Variants in KDM2A observed in about 807,000 individuals in gnomAD.
The protein encoded by KDM2A is lysine demethylase 2A, also known as lysine-specific demethylase 2A.
Under a neutral mutation model 137.3 loss-of-function variants are expected in KDM2A, and 3 were observed. That is an observed-to-expected ratio of 0.02 (90% CI 0.01 to 0.06). The LOEUF is 0.06. Ranked by LOEUF, KDM2A falls within the 10% of genes least tolerant of loss-of-function variation. The probability of loss-of-function intolerance (pLI) is 1.00; values close to 1 mark genes in which losing one functional copy is unlikely to be tolerated. For missense variants in KDM2A, 738 were observed against 1,510.6 expected (o/e 0.49, Z 8.48); for synonymous variants, 512 against 541.5 (o/e 0.95, Z 0.76).
intron 2 of KDM2A, among the ~76,000 whole-genome samples, chr11:67,145,070 C>T (rs940858461): frequency 2.0e-5 from 3 of 149,774 alleles, no homozygotes; most frequent in South Asian, 4.3e-4. Flanking sequence ...CAGGGTTTCA[C>T]CATGTTGGCC....
At chr11:67,183,062 C>T (rs1857125485) in intron 5 of KDM2A, among the ~76,000 whole-genome samples, 1 of 152,184 alleles carries the variant, frequency 6.6e-6, no homozygotes, top group African/African-American at 2.4e-5. Flanking sequence ...TCACAGATAT[C>T]CCAGGTAGAG....
intron 8 of KDM2A, among the ~76,000 whole-genome samples, chr11:67,216,809 A>G (rs1858173618): frequency 6.6e-6 from 1 of 152,180 alleles, no homozygotes; most frequent in South Asian, 2.1e-4. Flanking sequence ...AATCCCAGCT[A>G]CTCGGGAGGC....
chr11:67,171,357 G>A (rs960919292), intron 2 of KDM2A, among the ~76,000 whole-genome samples: 1 of 152,152 alleles, frequency 6.6e-6, no homozygotes, highest in African/African-American at 2.4e-5. Flanking sequence ...CTGGTATGTA[G>A]CAAATTGTCA....
Position 67,255,230 on chromosome 11 carries a change from T to C in KDM2A, c.*175T>C. On this transcript the variant is annotated 3_prime_UTR_variant, in exon 21 of 21. Coordinates refer to ENST00000529006, the MANE Select transcript of KDM2A (RefSeq NM_012308.3). ...GCAGAGAGGGTGGTGGACACCAGGC[T>C]TATCTGCCTGCTCCTCTCCCTCCTA... 1 of 614,558 alleles carries C rather than the reference T, an allele frequency of 1.6e-6. No individual in the cohort carries two copies. Among genetic ancestry groups the C allele is most frequent in the South Asian group, 2.0e-5 (1 of 51,254 alleles). 38.1% of individuals were successfully genotyped at this position (614,558 alleles called of 1,614,324 possible).
chr11:67,232,721 T>A (rs574252244), intron 12 of KDM2A, among the ~76,000 whole-genome samples: 48 of 151,860 alleles, frequency 3.2e-4, no homozygotes, highest in Non-Finnish European at 4.0e-4. Context: ...TTAATTAATT[T>A]ATTTGAGACG....
At chr11:67,149,618 C>A (rs989981036) in intron 2 of KDM2A, among the ~76,000 whole-genome samples, 1 of 151,138 alleles carries the variant, frequency 6.6e-6, no homozygotes, top group Non-Finnish European at 1.5e-5. Flanking sequence ...ATGTCTTTTT[C>A]TTTGCTTTTA....
At chr11:67,247,779 A>G (rs753423863) in intron 15 of KDM2A, among the ~76,000 whole-genome samples, 2 of 152,238 alleles carry the variant, frequency 1.3e-5, no homozygotes, top group Admixed American at 1.3e-4. Context: ...GAAGATGTAA[A>G]TGGTGCATAT....
chr11:67,173,249 A>C (rs945618515), intron 2 of KDM2A, among the ~76,000 whole-genome samples: 1 of 152,174 alleles, frequency 6.6e-6, no homozygotes, highest in Non-Finnish European at 1.5e-5. Flanking sequence ...CAGCCTCCCA[A>C]GTAGCTGGGA....
rs1400552733 is a variant in KDM2A, at chr11:67,173,210, C to A, written c.43-6869C>A. ...CGATCTCAGCACACTGCAACCTCTGCCTCGCGGGTTCAAGCAATTCTCCTG... is the reference window on the plus strand; with the variant it reads ...CGATCTCAGCACACTGCAACCTCTGACTCGCGGGTTCAAGCAATTCTCCTG... On this transcript the variant is annotated intron_variant, in intron 2 of 20. Transcript: ENST00000529006. 2.6e-5 allele frequency among the ~76,000 whole-genome samples: 4 copies of A among 152,256 alleles called. No homozygotes were observed. In the East Asian group the frequency reaches 7.7e-4, roughly 29 times the overall value.
Position 67,256,566 on chromosome 11 carries a change from G to C in KDM2A, c.*1511G>C, listed in dbSNP as rs1207191641. 6.6e-6 allele frequency: 1 copy of C among 152,636 alleles called. No individual in the cohort carries two copies. Among genetic ancestry groups the C allele is most frequent in the Non-Finnish European group, 1.5e-5 (1 of 68,128 alleles). 9.5% of individuals were successfully genotyped at this position (152,636 alleles called of 1,614,324 possible). On this transcript the variant is annotated 3_prime_UTR_variant, in exon 21 of 21. Coordinates refer to ENST00000529006, the MANE Select transcript of KDM2A (RefSeq NM_012308.3). ...GGTCGTCCATCCCTGTCCCTTTCTG[G>C]CCCTCTTCCTGTAGCCCAGTCTCAG... is the stretch of plus-strand genomic sequence containing the variant.
At chr11:67,184,613 C>G (rs369358044) in intron 5 of KDM2A, among the ~76,000 whole-genome samples, 1 of 152,074 alleles carries the variant, frequency 6.6e-6, no homozygotes, top group Non-Finnish European at 1.5e-5. Flanking sequence ...GGTGACAGAG[C>G]GAGACTCATC....
rs185542593 is a variant in KDM2A, at chr11:67,125,373, G to A, written c.42+4015G>A. Among the ~76,000 whole-genome samples the A allele has an allele frequency of 6.7e-3, 1,016 of 151,790 alleles. 24 individuals are homozygous for A. The highest frequency in any genetic ancestry group is 0.023 in the African/African-American group (967 of 41,350). On this transcript the variant is annotated intron_variant, in intron 2 of 20. Coordinates refer to ENST00000529006, the MANE Select transcript of KDM2A (RefSeq NM_012308.3). ...TTTTTGTATTTTTTGTAGAGGTGGG[G>A]TTTTGCCGTGTTCCCAAGGCTAGTC...
chr11:67,203,488 T>C (rs1389472130), intron 5 of KDM2A, among the ~76,000 whole-genome samples: 1 of 147,438 alleles, frequency 6.8e-6, no homozygotes, highest in Non-Finnish European at 1.5e-5. Context: ...TAATATATAT[T>C]AATATATTTT....
intron 5 of KDM2A, among the ~76,000 whole-genome samples, chr11:67,191,261 G>A (rs866744396): frequency 1.3e-5 from 2 of 152,012 alleles, no homozygotes; most frequent in Non-Finnish European, 2.9e-5. Flanking sequence ...TCCTGACCTC[G>A]TGATCTGCTC....
intron 15 of KDM2A, among the ~76,000 whole-genome samples, chr11:67,246,532 T>C (rs1859212428): frequency 6.6e-6 from 1 of 151,728 alleles, no homozygotes; most frequent in Non-Finnish European, 1.5e-5. Context: ...ATTTAATGAG[T>C]GCTGAGTCTG....
At chr11:67,240,459 C>A in intron 12 of KDM2A, 1 of 1,120,826 alleles carries the variant, frequency 8.9e-7, no homozygotes, top group South Asian at 1.5e-5. Context: ...GAGAAACTGC[C>A]TGCCGGGCGA....
intron 12 of KDM2A, among the ~76,000 whole-genome samples, chr11:67,239,566 G>A (rs1273572160): frequency 6.6e-6 from 1 of 152,196 alleles, no homozygotes; most frequent in Non-Finnish European, 1.5e-5. Flanking sequence ...GATAACTCAA[G>A]AGGAACTCAG....
chr11:67,242,894 ACCCTGCCT>A, intron 12 of KDM2A, 107 bp from the exon 13 acceptor site: 1 of 714,748 alleles, frequency 1.4e-6, no homozygotes, highest in Non-Finnish European at 2.5e-6. Context: ...GACAGTTGCC[ACCCTGCCT>A]CCCTTGCTAC....
rs555135228 is a variant in KDM2A, at chr11:67,196,791, A to G, written c.308-10719A>G. On this transcript the variant is annotated intron_variant, in intron 5 of 20. Coordinates refer to ENST00000529006, the MANE Select transcript of KDM2A (RefSeq NM_012308.3). ...CAGAGTTATGGAGATGGATGGTGGT[A>G]ATGGTTGCACAACATTGTGAATATA... 2.5e-5 allele frequency: 6 copies of G among 236,834 alleles called. No homozygotes were observed. The East Asian group carries it at 7.7e-4, about 30-fold the overall frequency. The allele number at this position is 236,834 out of a possible 1,614,324, so 14.7% of individuals were successfully genotyped here. A position where few individuals can be genotyped will look rare whatever the true frequency, so the allele number is the denominator to read the frequency against.
Sources: allele counts gnomAD v4.1 joint callset (sites outside exome capture counted in the v4.1 genomes callset), GRCh38; gene constraint gnomAD v4.1.1; transcripts MANE v1.5; gene names NCBI Gene and HGNC (gene_info 2026-07-23, HGNC 2026-07-21).